Variants in MYLIP observed in about 807,000 individuals in gnomAD.
MYLIP encodes E3 ubiquitin-protein ligase MYLIP.
In MYLIP, 26 loss-of-function variants were observed where a neutral mutation model predicts 45.8. The ratio of observed to expected loss-of-function variants is 0.57; its 90% confidence interval spans 0.42 to 0.79. MYLIP has a LOEUF of 0.79. MYLIP is among the 30% of genes least tolerant of loss of function. The pLI is 0.00. For synonymous variants in MYLIP, 213 were observed against 218.1 expected (o/e 0.98, Z 0.21); for missense variants, 494 against 555.6 (o/e 0.89, Z 1.11).
chr6:16,146,793 G>T lies in MYLIP; in HGVS notation c.*42G>T, dbSNP rs1367697363. 5 of 1,454,478 alleles carry T rather than the reference G, an allele frequency of 3.4e-6. No individual in the cohort carries two copies. The highest frequency in any genetic ancestry group is 4.7e-6 in the Non-Finnish European group (5 of 1,053,188). 90.1% of individuals were successfully genotyped at this position (1,454,478 alleles called of 1,614,324 possible). ...TGGACTTGGCATGTTTCCATGAACT[G>T]CACTATTATAAACTATTAAAATGAT... On this transcript the variant is annotated 3_prime_UTR_variant, in exon 7 of 7. Transcript: ENST00000356840.
intron 2 of MYLIP, among the ~76,000 whole-genome samples, chr6:16,134,797 A>AT (rs1267512051): frequency 3.3e-5 from 5 of 152,002 alleles, no homozygotes; most frequent in Non-Finnish European, 7.4e-5. Flanking sequence ...TTCTGATATA[A>AT]TTTTTTCTTT....
chr6:16,134,789 C>A (rs1759517734), intron 2 of MYLIP, among the ~76,000 whole-genome samples: 1 of 152,078 alleles, frequency 6.6e-6, no homozygotes, highest in East Asian at 1.9e-4. Flanking sequence ...TTTTAAATTT[C>A]TGATATAATT....
At chr6:16,157,505 A>C in the MYLIP span, among the ~76,000 whole-genome samples, 1 of 152,268 alleles carries the variant, frequency 6.6e-6, no homozygotes, top group African/African-American at 2.4e-5. Flanking sequence ...CTGCATCCCC[A>C]ATGCCTAGAA....
chr6:16,129,415 G>C lies in MYLIP; in HGVS notation c.87+6G>C. 1 of 1,579,726 alleles carries C rather than the reference G, an allele frequency of 6.3e-7. No individual in the cohort carries two copies. Among genetic ancestry groups the C allele is most frequent in the South Asian group, 1.2e-5 (1 of 86,622 alleles). On this transcript the variant is annotated splice_donor_region_variant and intron_variant, in intron 1 of 6. Transcript: ENST00000356840. This position sits in a 1 kb window ranked among gnomAD's most constrained non-coding sequence, Gnocchi z 5.1. ...GCGAGGACTGCCTCAACCAGGTGAG[G>C]GCGAGGGGCAAGAAGGGGCCCCGGC...
In MYLIP at chr6:16,129,441, G is replaced by A. The variant is rs1490748358; in HGVS notation, c.87+32G>A. On this transcript the variant is annotated intron_variant, in intron 1 of 6. Transcript: ENST00000356840. The surrounding 1 kb of genome is among the most constrained non-coding windows in gnomAD (Gnocchi z 5.1). ...GCGAGGGGCAAGAAGGGGCCCCGGC[G>A]GGTCCCGCGAGGCCGAGGGGCCTCG... 7 of 1,556,960 alleles carry A rather than the reference G, an allele frequency of 4.5e-6. No individual in the cohort carries two copies. Among genetic ancestry groups the A allele is most frequent in the East Asian group, 4.8e-5 (2 of 41,408 alleles).
At chr6:16,163,197 T>C in the MYLIP span, among the ~76,000 whole-genome samples, 6 of 152,226 alleles carry the variant, frequency 3.9e-5, no homozygotes, top group Non-Finnish European at 5.9e-5. Flanking sequence ...TCCTTATTGT[T>C]GAAGCTGCTT....
At chr6:16,158,616 T>C in the MYLIP span, among the ~76,000 whole-genome samples, 1 of 152,212 alleles carries the variant, frequency 6.6e-6, no homozygotes, top group African/African-American at 2.4e-5. Context: ...ACCTTGTGAA[T>C]TGGGACAAGT....
intron 2 of MYLIP, among the ~76,000 whole-genome samples, chr6:16,135,411 C>T (rs890292371): frequency 1.3e-5 from 2 of 152,146 alleles, no homozygotes; most frequent in African/African-American, 4.8e-5. Flanking sequence ...CCAGCTGCTG[C>T]CCTCCACATC....
chr6:16,159,687 G>T, the MYLIP span, among the ~76,000 whole-genome samples: 1 of 152,162 alleles, frequency 6.6e-6, no homozygotes, highest in African/African-American at 2.4e-5. Context: ...CTGGAATAAG[G>T]CTGTCTGCAA....
At chr6:16,161,205 C>G in the MYLIP span, 1 of 269,046 alleles carries the variant, frequency 3.7e-6, no homozygotes, top group Non-Finnish European at 7.3e-6. Context: ...GAGCCTCTCG[C>G]TCTGGTTGCT....
At position 16,146,673 on chromosome 6, in the gene MYLIP, C is replaced by G; in HGVS notation, c.1260C>G (p.Val420=). The change falls in exon 7 of 7, where the codon GTC becomes GTG. Residue 420 remains valine (V), a synonymous_variant. Transcript: ENST00000356840. ...SCAAQLQSCP[V]CRSRVEHVQH... ...CTTTTCTTTCCCAGTCATGTCCCGTCTGCAGGTCGCGTGTGGAGCATGTCC... is the reference window on the plus strand; with the variant it reads ...CTTTTCTTTCCCAGTCATGTCCCGTGTGCAGGTCGCGTGTGGAGCATGTCC... 6.2e-7 allele frequency: 1 copy of G among 1,610,300 alleles called. No homozygotes were observed. The highest frequency in any genetic ancestry group is 1.1e-5 in the South Asian group (1 of 90,170).
chr6:16,149,717 G>A (rs1402143349), downstream of MYLIP, among the ~76,000 whole-genome samples: 1 of 152,228 alleles, frequency 6.6e-6, no homozygotes, highest in African/African-American at 2.4e-5. Context: ...AAGTCCAAGA[G>A]CAGAAAGAGA....
In MYLIP at chr6:16,143,882, TG is replaced by T; in HGVS notation, c.827+21del. On this transcript the variant is annotated intron_variant, in intron 5 of 6. Coordinates refer to ENST00000356840, the MANE Select transcript of MYLIP (RefSeq NM_013262.4). Reference sequence around the variant, plus strand: ...TCTACAGGCACGTATCTCGTGTGCTTGGTCACCTCAGCACCACAGCTCTCAG... The same window carrying T: ...TCTACAGGCACGTATCTCGTGTGCTTGTCACCTCAGCACCACAGCTCTCAG... The T allele has an allele frequency of 6.2e-7, 1 of 1,609,156 alleles. No homozygotes were observed. The highest frequency in any genetic ancestry group is 8.5e-7 in the Non-Finnish European group (1 of 1,177,048).
In MYLIP at chr6:16,135,571, G is replaced by C. The variant is rs192300994; in HGVS notation, c.278+4824G>C. On this transcript the variant is annotated intron_variant, in intron 2 of 6. Coordinates refer to ENST00000356840, the MANE Select transcript of MYLIP (RefSeq NM_013262.4). ...TTCTCAGTGGCAAGCCCTCCATGAA[G>C]TAGATAGATGTGGTGGTTCACGTTA... 8.9e-4 allele frequency among the ~76,000 whole-genome samples: 136 copies of C among 152,100 alleles called. 2 individuals carry two copies. The highest frequency in any genetic ancestry group is 3.2e-3 in the African/African-American group (132 of 41,490).
downstream of MYLIP, among the ~76,000 whole-genome samples, chr6:16,151,077 C>T (rs1029950309): frequency 7.2e-5 from 11 of 151,938 alleles, no homozygotes; most frequent in African/African-American, 2.4e-4. Context: ...AAAAGTGCAG[C>T]GGTGGCTCAC....
In MYLIP at chr6:16,130,566, C is replaced by A. The variant is rs886305366; in HGVS notation, c.97C>A (p.Arg33=). ...TTCCTTTTTGTTTTAGGTGTGCAGG[C>A]GACTGGGAATCATAGAAGTTGACTA... is the stretch of plus-strand genomic sequence containing the variant. The part of the protein sequence containing the change: ...GEDCLNQVCR[R]LGIIEVDYFG... The change falls in exon 2 of 7, where the codon CGA becomes AGA. Residue 33 remains arginine (R), a synonymous_variant. Transcript: ENST00000356840. 2 of 1,613,888 alleles carry A rather than the reference C, an allele frequency of 1.2e-6. No homozygotes were observed. Among genetic ancestry groups the A allele is most frequent in the Admixed American group, 3.3e-5 (2 of 59,996 alleles).
chr6:16,156,354 G>A, the MYLIP span, among the ~76,000 whole-genome samples: 2 of 152,100 alleles, frequency 1.3e-5, no homozygotes, highest in Admixed American at 6.5e-5. Flanking sequence ...CCCTATCAAC[G>A]GTAAAATAAA....
At chr6:16,139,052 G>A (rs527565093) in intron 2 of MYLIP, among the ~76,000 whole-genome samples, 7 of 152,222 alleles carry the variant, frequency 4.6e-5, no homozygotes, top group African/African-American at 7.2e-5. Flanking sequence ...AAAAAGACAC[G>A]GAATTGATTC....
downstream of MYLIP, among the ~76,000 whole-genome samples, chr6:16,148,885 A>G (rs778106397): frequency 6.6e-6 from 1 of 152,232 alleles, no homozygotes; most frequent in Non-Finnish European, 1.5e-5. Context: ...CATAATATAT[A>G]TAAGTGATAA....
Sources: gnomAD v4.1 joint callset for allele counts (sites outside exome capture counted in the v4.1 genomes callset) on GRCh38, gnomAD v4.1.1 for gene constraint, Gnocchi (gnomAD v3.1) non-coding constraint, MANE v1.5 for transcripts, NCBI Gene and HGNC (gene_info 2026-07-23, HGNC 2026-07-21) for gene names.